Variants in AGAP1 observed in about 807,000 individuals in gnomAD.
AGAP1 encodes ArfGAP with GTPase domain, ankyrin repeat and PH domain 1, also known as arf-GAP with GTPase, ANK repeat and PH domain-containing protein 1.
In AGAP1, 29 loss-of-function variants were observed where a neutral mutation model predicts 105.3. The observed-to-expected ratio is 0.28, with a 90% CI of 0.21 to 0.38. The LOEUF is 0.38. Among genes scored for constraint, AGAP1 ranks in the 10% least tolerant of loss-of-function variants. The probability of loss-of-function intolerance (pLI) is 1.00; values close to 1 mark genes in which losing one functional copy is unlikely to be tolerated. For synonymous variants in AGAP1, 509 were observed against 485.9 expected, an observed-to-expected ratio of 1.05 and a Z score of -0.63; for missense variants, 998 against 1,165.1, an observed-to-expected ratio of 0.86 and a Z score of 2.09.
intron 1 of AGAP1, among the ~76,000 whole-genome samples, chr2:235,675,165 T>TGTTGGTTG (rs1227983549): frequency 6.7e-6 from 1 of 150,362 alleles, no homozygotes; most frequent in Non-Finnish European, 1.5e-5. Context: ...GGACACTTTT[T>TGTTGGTTG]GTTGGTTGGT....
rs34034658 is a variant in AGAP1, at chr2:235,931,153, G to C, written c.1483+230G>C. ...TGTTCCTCTTTGGCACAGGGAGGAG[G>C]TAGTCATCCCATTTGGTCAGTTTGG... On this transcript the variant is annotated intron_variant, in intron 12 of 17. Coordinates refer to ENST00000304032, the MANE Select transcript of AGAP1 (RefSeq NM_001037131.3). This position sits in a 1 kb window ranked among gnomAD's most constrained non-coding sequence, Gnocchi z 5.6. Among the ~76,000 whole-genome samples, 46,965 of 152,100 alleles carry C rather than the reference G, an allele frequency of 0.31. 8,347 individuals carry two copies. Among genetic ancestry groups the C allele is most frequent in the East Asian group, 0.43 (2,226 of 5,132 alleles).
intron 9 of AGAP1, among the ~76,000 whole-genome samples, chr2:235,868,843 C>G (rs1327855542): frequency 1.3e-5 from 2 of 152,176 alleles, no homozygotes; most frequent in African/African-American, 4.8e-5. Context: ...TCAATGACCT[C>G]TTGGGACTAG....
At position 235,744,979 on chromosome 2, in the gene AGAP1, T is replaced by G; in HGVS notation, c.538+140T>G. 1.0e-6 allele frequency: 1 copy of G among 1,000,806 alleles called. No individual in the cohort carries two copies. Among genetic ancestry groups the G allele is most frequent in the South Asian group, 1.9e-5 (1 of 53,408 alleles). 62.0% of individuals were successfully genotyped at this position (1,000,806 alleles called of 1,614,324 possible). A position where few individuals can be genotyped will look rare whatever the true frequency, so the allele number is the denominator to read the frequency against. On this transcript the variant is annotated intron_variant, in intron 5 of 17. Coordinates refer to ENST00000304032, the MANE Select transcript of AGAP1 (RefSeq NM_001037131.3). This position sits in a 1 kb window ranked among gnomAD's most constrained non-coding sequence, Gnocchi z 5.2. The stretch of plus-strand genomic sequence containing the variant: ...ACTTTTTTGGGAAAAATTATGGAAC[T>G]GAAATGATCACATTTCCTGATTTGA...
At position 236,121,415 on chromosome 2, in the gene AGAP1, C is replaced by T. The variant is rs1256458934; in HGVS notation, c.2370+968C>T. ...TCCCAGGTTCAAGCAATTCTCCTGC[C>T]TCAGCCTCCCAGGAAGCTGGGATTA... On this transcript the variant is annotated intron_variant, in intron 17 of 17. Coordinates refer to ENST00000304032, the MANE Select transcript of AGAP1 (RefSeq NM_001037131.3). The surrounding 1 kb of genome is among the most constrained non-coding windows in gnomAD (Gnocchi z 4.9). 6.6e-6 allele frequency among the ~76,000 whole-genome samples: 1 copy of T among 152,194 alleles called. No homozygotes were observed. The highest frequency in any genetic ancestry group is 1.5e-5 in the Non-Finnish European group (1 of 68,028).
rs1235692784 is a variant in AGAP1 at position 235,819,117 on chromosome 2, C to CT, written c.1050+11800dup. On this transcript the variant is annotated intron_variant, in intron 9 of 17. Transcript: ENST00000304032. ...AATTGTATTTCTTTTCTTTTCTTTT[C>CT]TTTTTTTTTTTTTTGGAGACAGAGT... Among the ~76,000 whole-genome samples the CT allele has an allele frequency of 7.3e-3, 542 of 74,026 alleles. 3 individuals carry two copies. Among genetic ancestry groups the CT allele is most frequent in the South Asian group, 0.042 (139 of 3,306 alleles). 48.6% of individuals were successfully genotyped at this position (74,026 alleles called of 152,430 possible).
At chr2:235,776,570 T>C (rs1427692475) in intron 6 of AGAP1, among the ~76,000 whole-genome samples, 1 of 152,154 alleles carries the variant, frequency 6.6e-6, no homozygotes, top group Non-Finnish European at 1.5e-5. Flanking sequence ...TGAAGGCCAG[T>C]GTGTAAGGCA....
At chr2:235,627,199 T>TTG (rs1946667712) in intron 1 of AGAP1, among the ~76,000 whole-genome samples, 1 of 145,734 alleles carries the variant, frequency 6.9e-6, no homozygotes, top group Admixed American at 6.9e-5. Flanking sequence ...GAGGTTTTTT[T>TTG]TTTTTTTTTT....
chr2:236,016,381 C>CTTTTT (rs151088125), intron 13 of AGAP1, among the ~76,000 whole-genome samples: 51 of 114,646 alleles, frequency 4.4e-4, no homozygotes, highest in Non-Finnish European at 7.5e-4. Context: ...GTTGGGTTTG[C>CTTTTT]TTTTTTTTTT....
chr2:236,093,149 G>A (rs1013486542), intron 16 of AGAP1, among the ~76,000 whole-genome samples: 7 of 152,216 alleles, frequency 4.6e-5, no homozygotes, highest in East Asian at 1.9e-4. Flanking sequence ...AACCAAAAAC[G>A]TGATATTTTA....
At chr2:235,573,339 A>T (rs1179599778) in intron 1 of AGAP1, among the ~76,000 whole-genome samples, 1 of 151,504 alleles carries the variant, frequency 6.6e-6, no homozygotes, top group African/African-American at 2.4e-5. Context: ...TAGCCCCTCA[A>T]AGTGCTGGGA....
At chr2:235,897,746 T>G (rs6737463) in intron 10 of AGAP1, among the ~76,000 whole-genome samples, 20,290 of 152,056 alleles carry the variant, frequency 0.13, 1,538 homozygotes, top group South Asian at 0.19. Flanking sequence ...AGGATGACTG[T>G]GGGGGGTCAT....
chr2:235,643,089 A>T (rs1490237498), intron 1 of AGAP1, among the ~76,000 whole-genome samples: 1 of 152,140 alleles, frequency 6.6e-6, no homozygotes, highest in East Asian at 1.9e-4. Flanking sequence ...CAGAGGGGGA[A>T]ACTGAGGCTC....
chr2:235,772,155 T>C (rs2149857780), intron 6 of AGAP1, among the ~76,000 whole-genome samples: 1 of 142,240 alleles, frequency 7.0e-6, no homozygotes, highest in East Asian at 2.1e-4. Flanking sequence ...CCAGCCACCA[T>C]GCCTGGCTAA....
intron 9 of AGAP1, among the ~76,000 whole-genome samples, chr2:235,819,419 A>G (rs1271790472): frequency 1.3e-5 from 2 of 151,798 alleles, no homozygotes; most frequent in South Asian, 4.2e-4. Context: ...CTGGCAGGAG[A>G]TTGTATTTCT....
Position 235,901,482 on chromosome 2 carries a change from C to T in AGAP1, c.1156-7256C>T, listed in dbSNP as rs926517558. 9.2e-5 allele frequency among the ~76,000 whole-genome samples: 14 copies of T among 152,126 alleles called. No individual in the cohort carries two copies. The highest frequency in any genetic ancestry group is 1.3e-4 in the Admixed American group (2 of 15,274). ...CACAGTCCAACCCTTTGCTCCTCCC[C>T]GGTTGTGTACATAAAAGCATACACA... On this transcript the variant is annotated intron_variant, in intron 10 of 17. Coordinates refer to ENST00000304032, the MANE Select transcript of AGAP1 (RefSeq NM_001037131.3). This position sits in a 1 kb window ranked among gnomAD's most constrained non-coding sequence, Gnocchi z 4.3.
chr2:236,086,353 G>A (rs1442586115), intron 16 of AGAP1, among the ~76,000 whole-genome samples: 1 of 152,146 alleles, frequency 6.6e-6, no homozygotes, highest in Non-Finnish European at 1.5e-5. Context: ...AAGTTAAACT[G>A]ATTTATGCTA....
rs574786968 is a variant in AGAP1 at position 235,768,207 on chromosome 2, C to G, written c.673+17719C>G. Among the ~76,000 whole-genome samples, 5 of 152,292 alleles carry G rather than the reference C, an allele frequency of 3.3e-5. No individual in the cohort carries two copies. In the South Asian group the frequency reaches 1.0e-3, roughly 32 times the overall value. ...ATTGTTTTCACCCTTTATTTTCTCT[C>G]ACTACACAAGGTTCATTAGAATTTG... On this transcript the variant is annotated intron_variant, in intron 6 of 17. Transcript: ENST00000304032.
rs901003896 is a variant in AGAP1, at chr2:236,005,812, C to G, written c.1646-30749C>G. ...AAGTGCTATTTCCATCCTATCCTGT[C>G]AAGGGTATATACCATCAACTTTATT... On this transcript the variant is annotated intron_variant, in intron 13 of 17. Transcript: ENST00000304032. The surrounding 1 kb of genome is among the most constrained non-coding windows in gnomAD (Gnocchi z 4.1). Among the ~76,000 whole-genome samples, 123 of 152,318 alleles carry G rather than the reference C, an allele frequency of 8.1e-4. No individual in the cohort carries two copies. The highest frequency in any genetic ancestry group is 3.5e-4 in the Non-Finnish European group (24 of 68,038).
chr2:235,810,799 G>T (rs1368589694), intron 9 of AGAP1, among the ~76,000 whole-genome samples: 1 of 149,958 alleles, frequency 6.7e-6, no homozygotes, highest in East Asian at 2.0e-4. Context: ...CCTTTCTGGG[G>T]TCTTGGAGGA....
Sources: gnomAD v4.1 joint callset for allele counts (sites outside exome capture counted in the v4.1 genomes callset) on GRCh38, gnomAD v4.1.1 for gene constraint, Gnocchi (gnomAD v3.1) non-coding constraint, MANE v1.5 for transcripts, NCBI Gene and HGNC (gene_info 2026-07-23, HGNC 2026-07-21) for gene names.